Variants in SARNP observed in about 807,000 individuals in gnomAD.
SARNP encodes the protein SAP domain-containing ribonucleoprotein.
In SARNP, 5 loss-of-function variants were observed where a neutral mutation model predicts 38.1. The ratio of observed to expected loss-of-function variants is 0.13; its 90% confidence interval spans 0.07 to 0.28. SARNP has a LOEUF of 0.28. Ranked by LOEUF, SARNP falls within the 10% of genes least tolerant of loss-of-function variation. The probability of loss-of-function intolerance (pLI) is 1.00; values close to 1 mark genes in which losing one functional copy is unlikely to be tolerated. For synonymous variants in SARNP, 84 were observed against 80.6 expected, an observed-to-expected ratio of 1.04 and a Z score of -0.23; for missense variants, 180 against 243.9, an observed-to-expected ratio of 0.74 and a Z score of 1.75.
intron 9 of SARNP, among the ~76,000 whole-genome samples, chr12:55,783,715 T>C (rs1315902821): frequency 6.6e-6 from 1 of 151,796 alleles, no homozygotes; most frequent in African/African-American, 2.4e-5. Flanking sequence ...CTAGGAAAAA[T>C]AGCAGACTCA....
In SARNP at chr12:55,774,272, GA is replaced by G. The variant is rs1211416242; in HGVS notation, c.502-13633del. On this transcript the variant is annotated intron_variant, in intron 9 of 10. Transcript: ENST00000336133. The stretch of plus-strand genomic sequence containing the variant: ...CCACTCTGGCCTCCCAAAGTGTTGG[GA>G]TTACAGGCACGAGCCACTGTACCAC... Among the ~76,000 whole-genome samples, 2 of 151,988 alleles carry G rather than the reference GA, an allele frequency of 1.3e-5. 1 individual carries two copies. The highest frequency in any genetic ancestry group is 1.3e-4 in the Admixed American group (2 of 15,268).
intron 9 of SARNP, among the ~76,000 whole-genome samples, chr12:55,770,087 A>G (rs1878960112): frequency 6.6e-6 from 1 of 152,218 alleles, no homozygotes; most frequent in Non-Finnish European, 1.5e-5. Flanking sequence ...AGAAAGCAAG[A>G]TGAAGTGTAG....
chr12:55,770,812 A>C lies in SARNP; in HGVS notation c.502-10172T>G, dbSNP rs186096749. On this transcript the variant is annotated intron_variant, in intron 9 of 10. Transcript: ENST00000336133. ...TTTCAAAACTTACTAATTTTATCCTAAATACAGTAAAGAATACTGCTCCTT... is the reference window on the plus strand; with the variant it reads ...TTTCAAAACTTACTAATTTTATCCTCAATACAGTAAAGAATACTGCTCCTT... Among the ~76,000 whole-genome samples the C allele has an allele frequency of 3.2e-4, 48 of 152,258 alleles. 1 individual carries two copies. Among genetic ancestry groups the C allele is most frequent in the Admixed American group, 3.1e-3 (48 of 15,268 alleles).
chr12:55,754,498 T>A (rs143951374), downstream of SARNP: 28 of 152,310 alleles, frequency 1.8e-4, no homozygotes, highest in East Asian at 5.2e-3. Flanking sequence ...TTCCTGCCAG[T>A]GAGCTGGGCT....
chr12:55,783,529 CA>C (rs747323413), intron 9 of SARNP, among the ~76,000 whole-genome samples: 4 of 138,224 alleles, frequency 2.9e-5, no homozygotes, highest in Non-Finnish European at 4.6e-5. Flanking sequence ...GAAACATGAA[CA>C]AACAGACTTT....
intron 1 of SARNP, among the ~76,000 whole-genome samples, chr12:55,809,686 T>A: frequency 6.7e-6 from 1 of 149,250 alleles, no homozygotes; most frequent in East Asian, 2.0e-4. Context: ...GAGGCTGCAG[T>A]AAGCCATGAT....
At chr12:55,799,575 T>TTTTC (rs1555173534) in intron 4 of SARNP, among the ~76,000 whole-genome samples, 2 of 148,038 alleles carry the variant, frequency 1.4e-5, no homozygotes, top group African/African-American at 5.0e-5. Flanking sequence ...TTTTTTTTTT[T>TTTTC]CCCGAGACAG....
chr12:55,795,172 C>G (rs1239428683), intron 5 of SARNP, among the ~76,000 whole-genome samples: 1 of 151,960 alleles, frequency 6.6e-6, no homozygotes, highest in Non-Finnish European at 1.5e-5. Context: ...GATGGCCAGG[C>G]TGATATTGAA....
chr12:55,760,391 G>C, intron 10 of SARNP, 160 bp downstream of exon 10: 2 of 580,666 alleles, frequency 3.4e-6, no homozygotes, highest in Non-Finnish European at 6.1e-6. Flanking sequence ...TCTCTACTCA[G>C]TTTATTCACT....
chr12:55,764,239 A>G (rs1005280033), intron 9 of SARNP, among the ~76,000 whole-genome samples: 6 of 152,320 alleles, frequency 3.9e-5, no homozygotes, highest in East Asian at 1.9e-4. Flanking sequence ...ATAAAAGAAT[A>G]AGGGGCTGGG....
downstream of SARNP, chr12:55,755,749 A>G (rs1359420941): frequency 6.6e-6 from 1 of 152,094 alleles, no homozygotes; most frequent in African/African-American, 2.4e-5. Context: ...CTTCTGACCA[A>G]CATAGGAACA....
chr12:55,773,759 G>A (rs1313998604), intron 9 of SARNP, among the ~76,000 whole-genome samples: 7 of 152,272 alleles, frequency 4.6e-5, no homozygotes, highest in African/African-American at 1.7e-4. Flanking sequence ...CGCCCAGGCT[G>A]GAGTGCAATG....
Position 55,817,720 on chromosome 12 carries a change from A to C in SARNP, c.-19T>G, listed in dbSNP as rs1484304259. On this transcript the variant is annotated 5_prime_UTR_variant, in exon 1 of 11. Transcript: ENST00000336133. ...TCGCCATCTTGTTACCCCTCACTCCACTAGGCCCCCACCCGCGGCCTCCGC... is the reference window on the plus strand; with the variant it reads ...TCGCCATCTTGTTACCCCTCACTCCCCTAGGCCCCCACCCGCGGCCTCCGC... 1.9e-6 allele frequency: 3 copies of C among 1,608,310 alleles called. No individual in the cohort carries two copies. Among genetic ancestry groups the C allele is most frequent in the Non-Finnish European group, 2.5e-6 (3 of 1,177,910 alleles).
chr12:55,795,156 C>T (rs1879786323), intron 5 of SARNP, among the ~76,000 whole-genome samples: 1 of 151,878 alleles, frequency 6.6e-6, no homozygotes, highest in African/African-American at 2.4e-5. Flanking sequence ...AATGAGATTT[C>T]ACCATGATGG....
At chr12:55,761,755 T>A (rs1447076581) in intron 9 of SARNP, 1 of 152,152 alleles carries the variant, frequency 6.6e-6, no homozygotes, top group Non-Finnish European at 1.5e-5. Flanking sequence ...CCTCACATCT[T>A]ATCACCAGTC....
intron 9 of SARNP, among the ~76,000 whole-genome samples, chr12:55,784,864 A>G (rs1273113807): frequency 2.0e-5 from 3 of 152,244 alleles, no homozygotes; most frequent in Non-Finnish European, 4.4e-5. Context: ...ATCAAGACTT[A>G]TAACCAATGT....
intron 9 of SARNP, among the ~76,000 whole-genome samples, chr12:55,778,835 G>A (rs1227958421): frequency 6.6e-6 from 1 of 152,108 alleles, no homozygotes; most frequent in African/African-American, 2.4e-5. Context: ...GCCGGGCATG[G>A]TGGCGCACAC....
chr12:55,774,883 G>GTTTTTTTTT (rs367957447), intron 9 of SARNP, among the ~76,000 whole-genome samples: 2 of 110,736 alleles, frequency 1.8e-5, no homozygotes, highest in African/African-American at 3.6e-5. Flanking sequence ...ATTTCTATTT[G>GTTTTTTTTT]TTTTTTTTTT....
At position 55,786,435 on chromosome 12, in the gene SARNP, GGTTTGTTTGTTT is replaced by G. The variant is rs146930644; in HGVS notation, c.501+2628_501+2639del. Among the ~76,000 whole-genome samples, 19 of 150,862 alleles carry G rather than the reference GGTTTGTTTGTTT, an allele frequency of 1.3e-4. 1 individual carries two copies. Among genetic ancestry groups the G allele is most frequent in the African/African-American group, 2.9e-4 (12 of 40,956 alleles). On this transcript the variant is annotated intron_variant, in intron 9 of 10. Transcript: ENST00000336133. ...ATATGGCACAACACAAGTGAGCTTT[GGTTTGTTTGTTT>G]GTTTGTTTGTTTGTTTGTTTGAGAT...
Sources: allele counts gnomAD v4.1 joint callset (sites outside exome capture counted in the v4.1 genomes callset), GRCh38; gene constraint gnomAD v4.1.1; transcripts MANE v1.5; gene names NCBI Gene and HGNC (gene_info 2026-07-23, HGNC 2026-07-21).